The following XPNPEP1 variants were observed in gnomAD, a reference collection of about 807,000 sequenced individuals.
The protein encoded by XPNPEP1 is xaa-Pro aminopeptidase 1.
A neutral mutation model predicts 92.4 loss-of-function variants in XPNPEP1; 39 were observed. That is an observed-to-expected ratio of 0.42 (90% CI 0.33 to 0.55). XPNPEP1 has a LOEUF of 0.55. Ranked by LOEUF, XPNPEP1 falls within the 20% of genes least tolerant of loss-of-function variation. The probability of loss-of-function intolerance (pLI) is 0.08; values close to 1 mark genes in which losing one functional copy is unlikely to be tolerated. For synonymous variants in XPNPEP1, 307 were observed against 299.4 expected (o/e 1.03, Z -0.26); for missense variants, 654 against 856.1 (o/e 0.76, Z 2.95).
chr10:109,901,460 T>C (rs1849286216), intron 3 of XPNPEP1, among the ~76,000 whole-genome samples: 1 of 152,340 alleles, frequency 6.6e-6, no homozygotes, highest in African/African-American at 2.4e-5. Context: ...CCTCTTTCCA[T>C]GCATCCAAAT....
chr10:109,892,630 C>T (rs1848763100), intron 4 of XPNPEP1: 1 of 182,074 alleles, frequency 5.5e-6, no homozygotes. Context: ...TTATCTGGGA[C>T]CAATAAGCTA....
chr10:109,875,768 T>C, intron 14 of XPNPEP1, 169 bp from the exon 15 acceptor site: 1 of 551,038 alleles, frequency 1.8e-6, no homozygotes. Context: ...AATATTAAAC[T>C]TCTACTTTTC....
chr10:109,891,680 G>T (rs745794181), intron 5 of XPNPEP1, 42 bp downstream of exon 5: 3 of 1,498,972 alleles, frequency 2.0e-6, no homozygotes, highest in South Asian at 1.3e-5. Context: ...TCCCTGCCCA[G>T]ATCAGGCCAA....
In XPNPEP1 at chr10:109,865,124, C is replaced by T; in HGVS notation, c.*60G>A. ...AGGAAAGGGGAAAGATGTCAGGGAT[C>T]TGCCACGTTTCTTCCTTCCTCCAGA... On this transcript the variant is annotated 3_prime_UTR_variant, in exon 21 of 21. Transcript: ENST00000502935. 2 of 1,605,344 alleles carry T rather than the reference C, an allele frequency of 1.2e-6. No individual in the cohort carries two copies. The highest frequency in any genetic ancestry group is 1.1e-5 in the South Asian group (1 of 90,694).
In XPNPEP1 at chr10:109,877,792, G is replaced by A. The variant is rs144894695; in HGVS notation, c.1317C>T (p.Tyr439=). The A allele has an allele frequency of 2.9e-4, 461 of 1,614,140 alleles. No individual in the cohort carries two copies. The highest frequency in any genetic ancestry group is 3.7e-4 in the Non-Finnish European group (437 of 1,180,056). Residue 439 remains tyrosine (Y), a splice_region_variant and synonymous_variant, in exon 14 of 21, where the codon TAC becomes TAT. Coordinates refer to ENST00000502935, the MANE Select transcript of XPNPEP1 (RefSeq NM_020383.4). ...STGPNGAIIH[Y]APVPETNRTL... ...GCATGCTCCTCCGCATGCCTTACGCGTAGTGAATGATGGCGCCGTTGGGTC... is the reference window on the plus strand; with the variant it reads ...GCATGCTCCTCCGCATGCCTTACGCATAGTGAATGATGGCGCCGTTGGGTC...
intron 13 of XPNPEP1, 42 bp from the exon 14 acceptor site, chr10:109,877,909 T>C (rs1044692511): frequency 1.2e-6 from 2 of 1,614,206 alleles, no homozygotes; most frequent in African/African-American, 1.3e-5. Flanking sequence ...TAAAGGTTTT[T>C]ACTGTGCTAA....
intron 19 of XPNPEP1, among the ~76,000 whole-genome samples, chr10:109,869,144 C>T (rs1423325966): frequency 6.6e-6 from 1 of 152,218 alleles, no homozygotes. Context: ...CAGGCGACAA[C>T]ACATCTATCC....
chr10:109,903,439 A>G (rs1309251193), intron 3 of XPNPEP1, among the ~76,000 whole-genome samples: 1 of 152,192 alleles, frequency 6.6e-6, no homozygotes, highest in Non-Finnish European at 1.5e-5. Context: ...CTGCTACATA[A>G]TCATCATGTG....
chr10:109,892,938 G>A, intron 4 of XPNPEP1, 74 bp downstream of exon 4: 2 of 1,473,028 alleles, frequency 1.4e-6, no homozygotes, highest in South Asian at 2.4e-5. Flanking sequence ...TATATCACAG[G>A]CTGAAACTCG....
intron 3 of XPNPEP1, among the ~76,000 whole-genome samples, chr10:109,903,654 C>A (rs1210543554): frequency 6.6e-6 from 1 of 152,104 alleles, no homozygotes; most frequent in Non-Finnish European, 1.5e-5. Flanking sequence ...ATCAGAGGGG[C>A]CCAAAGAAAA....
chr10:109,898,356 C>T (rs867121711), intron 3 of XPNPEP1, among the ~76,000 whole-genome samples: 1 of 152,220 alleles, frequency 6.6e-6, no homozygotes, highest in Non-Finnish European at 1.5e-5. Context: ...ACATAAGAAA[C>T]TATCTTCTCG....
chr10:109,868,739 C>CTT (rs770487083), intron 19 of XPNPEP1, 27 bp from the exon 20 acceptor site: 4 of 1,590,222 alleles, frequency 2.5e-6, no homozygotes, highest in African/African-American at 2.7e-5. Context: ...AAAACAGATG[C>CTT]TTTTACTCCT....
intron 3 of XPNPEP1, among the ~76,000 whole-genome samples, chr10:109,907,075 T>C (rs1849595293): frequency 6.6e-6 from 1 of 152,172 alleles, no homozygotes; most frequent in South Asian, 2.1e-4. Context: ...CTGAGATGGG[T>C]AGGGCCTTAT....
chr10:109,912,284 C>A (rs1849920151), intron 2 of XPNPEP1, among the ~76,000 whole-genome samples: 1 of 152,238 alleles, frequency 6.6e-6, no homozygotes, highest in African/African-American at 2.4e-5. Flanking sequence ...GCAGCTACTT[C>A]TTTATCATCA....
At chr10:109,888,423 C>T (rs1848519087) in intron 6 of XPNPEP1, 80 bp downstream of exon 6, 1 of 1,419,042 alleles carries the variant, frequency 7.0e-7, no homozygotes, top group Non-Finnish European at 9.6e-7. Context: ...TGCTCCACAC[C>T]CCACAAGCAA....
In XPNPEP1 at chr10:109,904,107, A is replaced by C. The variant is rs577690161; in HGVS notation, c.246+3584T>G. Among the ~76,000 whole-genome samples the C allele has an allele frequency of 2.6e-5, 4 of 150,946 alleles. No individual in the cohort carries two copies. In the East Asian group the frequency reaches 7.8e-4, roughly 29 times the overall value. On this transcript the variant is annotated intron_variant, in intron 3 of 20. Transcript: ENST00000502935. ...TGATCCACCTGCCTCAACCTTCCAA[A>C]ATGCTCGGATTACAGGCGTGAGCCA...
intron 12 of XPNPEP1, among the ~76,000 whole-genome samples, chr10:109,879,190 C>T (rs1266116687): frequency 1.3e-5 from 2 of 151,506 alleles, no homozygotes; most frequent in South Asian, 2.1e-4. Flanking sequence ...TGCAGTGAGC[C>T]GAGATCGCTC....
Position 109,875,487 on chromosome 10 carries a change from G to A in XPNPEP1, c.1391+41C>T, listed in dbSNP as rs137960606. The stretch of plus-strand genomic sequence containing the variant: ...AGCTGTCCACCTTCTCCACTGCCTC[G>A]AATCCATAGTCAAGTTCCACAGCAG... On this transcript the variant is annotated intron_variant, in intron 15 of 20. Coordinates refer to ENST00000502935, the MANE Select transcript of XPNPEP1 (RefSeq NM_020383.4). 5.6e-4 allele frequency: 889 copies of A among 1,599,676 alleles called. 4 individuals carry two copies. In the African/African-American group the frequency reaches 0.011, roughly 19 times the overall value.
intron 15 of XPNPEP1, 106 bp downstream of exon 15, chr10:109,875,422 C>T (rs1001530261): frequency 1.3e-5 from 13 of 990,428 alleles, no homozygotes; most frequent in Admixed American, 1.9e-5. Flanking sequence ...GTGGCCAGCA[C>T]AGAGGGCGAT....
Sources: allele counts gnomAD v4.1 joint callset (sites outside exome capture counted in the v4.1 genomes callset), GRCh38; gene constraint gnomAD v4.1.1; transcripts MANE v1.5; gene names NCBI Gene and HGNC (gene_info 2026-07-23, HGNC 2026-07-21).